Variants in CRPPA observed in about 807,000 individuals in gnomAD.
The protein encoded by CRPPA is CDP-L-ribitol pyrophosphorylase A, also known as D-ribitol-5-phosphate cytidylyltransferase.
In CRPPA, 43 loss-of-function variants were observed where a neutral mutation model predicts 52.0. The observed-to-expected ratio is 0.83, with a 90% CI of 0.65 to 1.07. The LOEUF is 1.07. CRPPA is among the 50% of genes least tolerant of loss of function. CRPPA has a pLI of 0.00. For missense variants in CRPPA, 629 were observed against 551.7 expected, an observed-to-expected ratio of 1.14 and a Z score of -1.40; for synonymous variants, 250 against 203.5, an observed-to-expected ratio of 1.23 and a Z score of -1.94.
At chr7:16,215,163 G>A (rs1408364563) in intron 9 of CRPPA, among the ~76,000 whole-genome samples, 1 of 152,132 alleles carries the variant, frequency 6.6e-6, no homozygotes, top group East Asian at 1.9e-4. Context: ...AACAATAGCT[G>A]TTATTTGCCA....
chr7:16,307,878 T>C (rs1291893008), intron 4 of CRPPA, among the ~76,000 whole-genome samples: 3 of 145,270 alleles, frequency 2.1e-5, no homozygotes, highest in African/African-American at 5.2e-5. Context: ...ATGTTGATAC[T>C]GCAGGCAAAG....
At chr7:16,209,785 T>A (rs1782081313) in intron 9 of CRPPA, among the ~76,000 whole-genome samples, 1 of 152,232 alleles carries the variant, frequency 6.6e-6, no homozygotes. Context: ...TTAGATTTTT[T>A]AAAAATTTAA....
At chr7:16,375,551 C>T (rs760185741) in intron 3 of CRPPA, among the ~76,000 whole-genome samples, 4 of 152,132 alleles carry the variant, frequency 2.6e-5, no homozygotes, top group Non-Finnish European at 5.9e-5. Flanking sequence ...TACCATAGTA[C>T]ATCTGAGACT....
rs1010882391 is a variant in CRPPA at position 16,200,930 on chromosome 7, G to A, written c.1251+15136C>T. Among the ~76,000 whole-genome samples the A allele has an allele frequency of 2.0e-5, 3 of 152,014 alleles. No homozygotes were observed. In the East Asian group the frequency reaches 5.8e-4, roughly 29 times the overall value. On this transcript the variant is annotated intron_variant, in intron 9 of 9. Transcript: ENST00000407010. ...ACACTGAATTCTTCTAATCCAAAAG[G>A]AGTCCTATTCTTGTTCATTTATGTT...
chr7:16,387,060 T>TATATATATATATATATATATACACAC, intron 2 of CRPPA, among the ~76,000 whole-genome samples: 1 of 82,912 alleles, frequency 1.2e-5, no homozygotes, highest in East Asian at 3.8e-4. Context: ...TATATATATA[T>TATATATATATATATATATATACACAC]ATATATATAT....
At chr7:16,202,838 T>C (rs1339882626) in intron 9 of CRPPA, among the ~76,000 whole-genome samples, 5 of 152,176 alleles carry the variant, frequency 3.3e-5, no homozygotes, top group African/African-American at 1.2e-4. Flanking sequence ...GAGTAGTAGT[T>C]CTCAGCCCAA....
chr7:16,391,859 G>C (rs1455076572), intron 2 of CRPPA, among the ~76,000 whole-genome samples: 2 of 152,054 alleles, frequency 1.3e-5, no homozygotes, highest in Non-Finnish European at 2.9e-5. Flanking sequence ...TACTGATTAG[G>C]CCACACAAAG....
chr7:16,117,464 G>A (rs572289726), intron 9 of CRPPA, among the ~76,000 whole-genome samples: 12 of 152,300 alleles, frequency 7.9e-5, no homozygotes, highest in African/African-American at 2.2e-4. Flanking sequence ...TTGGCCTCTA[G>A]ACCTTGGCCA....
chr7:16,216,316 CT>C, intron 8 of CRPPA, 119 bp from the exon 9 acceptor site: 1 of 618,696 alleles, frequency 1.6e-6, no homozygotes, highest in Non-Finnish European at 2.7e-6. Flanking sequence ...TCTTTATTAA[CT>C]TTTGTTAATC....
intron 9 of CRPPA, among the ~76,000 whole-genome samples, chr7:16,124,511 T>A (rs185264330): frequency 5.9e-5 from 9 of 152,168 alleles, no homozygotes; most frequent in South Asian, 2.1e-4. Flanking sequence ...CTCACTCATA[T>A]GTGGAAGCTA....
At chr7:16,110,567 A>G (rs1782240101) in intron 9 of CRPPA, among the ~76,000 whole-genome samples, 1 of 152,148 alleles carries the variant, frequency 6.6e-6, no homozygotes, top group Non-Finnish European at 1.5e-5. Flanking sequence ...CTGGTTAAAA[A>G]GAGGGAGAGA....
chr7:16,167,455 A>C, intron 9 of CRPPA, among the ~76,000 whole-genome samples: 1 of 152,304 alleles, frequency 6.6e-6, no homozygotes, highest in East Asian at 1.9e-4. Context: ...TATATTAAGA[A>C]ATTAAAATAT....
chr7:16,189,391 G>A (rs552285947), intron 9 of CRPPA, among the ~76,000 whole-genome samples: 1 of 152,200 alleles, frequency 6.6e-6, no homozygotes, highest in Admixed American at 6.6e-5. Context: ...AATTCAGAAT[G>A]TACGGTGATT....
intron 8 of CRPPA, among the ~76,000 whole-genome samples, chr7:16,230,998 G>C (rs942368505): frequency 6.6e-6 from 1 of 152,188 alleles, no homozygotes; most frequent in African/African-American, 2.4e-5. Flanking sequence ...CCCACCTAGT[G>C]CTGCAGCTGG....
intron 3 of CRPPA, among the ~76,000 whole-genome samples, chr7:16,330,198 T>C (rs1785515132): frequency 6.6e-6 from 1 of 152,206 alleles, no homozygotes; most frequent in Admixed American, 6.5e-5. Context: ...CTAAGACACA[T>C]ACAGAATTTA....
intron 9 of CRPPA, among the ~76,000 whole-genome samples, chr7:16,214,274 T>C (rs1006881373): frequency 2.6e-5 from 4 of 152,178 alleles, no homozygotes; most frequent in African/African-American, 9.6e-5. Flanking sequence ...ACATTACACT[T>C]TACTGGAAAG....
intron 1 of CRPPA, among the ~76,000 whole-genome samples, chr7:16,414,516 ATCAAT>A (rs1788146653): frequency 6.6e-6 from 1 of 152,174 alleles, no homozygotes; most frequent in Non-Finnish European, 1.5e-5. Flanking sequence ...ATCTAGATAC[ATCAAT>A]TGATAAATTG....
chr7:16,248,618 G>A (rs1390710429), intron 8 of CRPPA, among the ~76,000 whole-genome samples: 1 of 152,166 alleles, frequency 6.6e-6, no homozygotes, highest in Non-Finnish European at 1.5e-5. Context: ...AATAGGAACA[G>A]CTCCCGTCTG....
chr7:16,168,867 G>A (rs1254699182), intron 9 of CRPPA, among the ~76,000 whole-genome samples: 1 of 152,178 alleles, frequency 6.6e-6, no homozygotes, highest in Non-Finnish European at 1.5e-5. Context: ...CAAATGAGGT[G>A]ATGATAACTA....
Sources: gnomAD v4.1 joint callset for allele counts (sites outside exome capture counted in the v4.1 genomes callset) on GRCh38, gnomAD v4.1.1 for gene constraint, MANE v1.5 for transcripts, NCBI Gene and HGNC (gene_info 2026-07-23, HGNC 2026-07-21) for gene names.